The following PLCH2 variants were observed in gnomAD, a reference collection of about 807,000 sequenced individuals.
The protein encoded by PLCH2 is phospholipase C eta 2.
PLCH2 carries 98 observed loss-of-function variants against 134.7 expected under a neutral mutation model. The observed-to-expected ratio is 0.73, with a 90% CI of 0.62 to 0.86. PLCH2 has a LOEUF of 0.86. Among genes scored for constraint, PLCH2 ranks in the 40% least tolerant of loss-of-function variants. The pLI is 0.00. For synonymous variants in PLCH2, 974 were observed against 827.5 expected (o/e 1.18, Z -3.04); for missense variants, 1,994 against 1,986.6 (o/e 1.00, Z -0.07).
chr1:2,437,691 C>T lies in PLCH2; in HGVS notation c.115+7062C>T, dbSNP rs142930676. 2.2e-3 allele frequency among the ~76,000 whole-genome samples: 341 copies of T among 152,356 alleles called. 2 individuals carry two copies. The highest frequency in any genetic ancestry group is 0.014 in the Middle Eastern group (4 of 294). On this transcript the variant is annotated intron_variant, in intron 2 of 3. Transcript: ENST00000609981. Reference sequence around the variant, plus strand: ...GGGACAGGCAATACACACATGCACACGCACACACGAAGGCACACACATTTG... The same window carrying T: ...GGGACAGGCAATACACACATGCACATGCACACACGAAGGCACACACATTTG...
Position 2,502,359 on chromosome 1 carries a change from C to A in PLCH2, c.2909C>A (p.Pro970His), listed in dbSNP as rs1570500293. The A allele has an allele frequency of 1.3e-6, 2 of 1,540,728 alleles. No individual in the cohort carries two copies. Among genetic ancestry groups the A allele is most frequent in the Non-Finnish European group, 1.7e-6 (2 of 1,144,634 alleles). The change falls in exon 21 of 22, where the codon CCT (proline) becomes CAT (histidine). Residue 970 changes from proline to histidine, a missense_variant. This residue lies in a region of PLCH2 where 900 missense variants were observed against 752.3 expected (regional missense o/e 1.20). Transcript: ENST00000378486. ...GATGTGGTGCCCCCCGGGCCCGGACCTGCTCCGGAAGCCCCAGCCCAGGAG... is the reference window on the plus strand; with the variant it reads ...GATGTGGTGCCCCCCGGGCCCGGACATGCTCCGGAAGCCCCAGCCCAGGAG... The part of the protein sequence containing the change: ...ADDVVPPGPG[P>H]APEAPAQEGP...
At chr1:2,467,090 G>A (rs894156585), upstream of PLCH2, among the ~76,000 whole-genome samples, 3 of 152,144 alleles carry the variant, frequency 2.0e-5, no homozygotes, top group African/African-American at 4.8e-5. Context: ...GTAATGACCA[G>A]AGGGTCCCTG....
rs554478325 is a variant in PLCH2 at position 2,439,445 on chromosome 1, G to A, written c.115+8816G>A. 4.6e-5 allele frequency among the ~76,000 whole-genome samples: 7 copies of A among 151,808 alleles called. No homozygotes were observed. Among genetic ancestry groups the A allele is most frequent in the East Asian group, 1.9e-4 (1 of 5,140 alleles). On this transcript the variant is annotated intron_variant, in intron 2 of 3. Coordinates refer to the PLCH2 transcript ENST00000609981. The surrounding 1 kb of genome is among the most constrained non-coding windows in gnomAD (Gnocchi z 4.7). ...AGGGGCAGCTGATCCCATCCCACCCGTTCGTTGTCTTGAGTTCTGATTGAG... is the reference window on the plus strand; with the variant it reads ...AGGGGCAGCTGATCCCATCCCACCCATTCGTTGTCTTGAGTTCTGATTGAG...
chr1:2,458,981 A>T (rs1640635688), intron 2 of PLCH2, among the ~76,000 whole-genome samples: 1 of 152,256 alleles, frequency 6.6e-6, no homozygotes, highest in African/African-American at 2.4e-5. Context: ...CCGGTCTTGC[A>T]GCGTGGCTGC....
Position 2,503,953 on chromosome 1 carries a change from C to A in PLCH2, c.2991C>A (p.Leu997=). 2.1e-6 allele frequency: 3 copies of A among 1,411,466 alleles called. No homozygotes were observed. The highest frequency in any genetic ancestry group is 1.2e-5 in the South Asian group (1 of 81,110). The allele number at this position is 1,411,466 out of a possible 1,614,324, so 87.4% of individuals were successfully genotyped here. Residue 997 remains leucine, a synonymous_variant, in exon 22 of 22, where the codon CTC becomes CTA. Coordinates refer to ENST00000378486, the MANE Select transcript of PLCH2 (RefSeq NM_014638.4). ...DTRPLSTQRP[L]PPLCSLETIA... is the part of the protein sequence containing the mutation. ...GCCCCCTCTCCACGCAGCGGCCACTCCCCCCACTGTGCAGCCTGGAAACCA... is the reference window on the plus strand; with the variant it reads ...GCCCCCTCTCCACGCAGCGGCCACTACCCCCACTGTGCAGCCTGGAAACCA...
At position 2,496,943 on chromosome 1, in the gene PLCH2, C is replaced by T. The variant is rs746924831; in HGVS notation, c.2049C>T (p.Pro683=). 2 of 1,613,372 alleles carry T rather than the reference C, an allele frequency of 1.2e-6. No homozygotes were observed. The highest frequency in any genetic ancestry group is 3.3e-5 in the Admixed American group (2 of 60,032). ...AGCAGCAGCTCTCCCGCATCTACCC[C>T]TCCTCCTACCGTGTGGACTCCAGCA... is the stretch of plus-strand genomic sequence containing the variant. ...FNQQQLSRIY[P]SSYRVDSSNY... is the part of the protein sequence containing the mutation. Residue 683 remains proline, a synonymous_variant, in exon 15 of 22, where the codon CCC becomes CCT. Transcript: ENST00000378486.
At chr1:2,445,773 G>T (rs61763910) in intron 2 of PLCH2, among the ~76,000 whole-genome samples, 1 of 152,184 alleles carries the variant, frequency 6.6e-6, no homozygotes, top group Non-Finnish European at 1.5e-5. Context: ...TAATCTGCAC[G>T]GCACACACGG....
chr1:2,430,750 A>C (rs1639030020), intron 2 of PLCH2: 1 of 152,256 alleles, frequency 6.6e-6, no homozygotes, highest in Non-Finnish European at 1.5e-5. Flanking sequence ...AGTGACCCTG[A>C]TGTCCCGTGA....
At chr1:2,503,612 CGTAGTTAG>C (rs747892187) in intron 21 of PLCH2, 45 of 697,652 alleles carry the variant, frequency 6.5e-5, no homozygotes, top group Non-Finnish European at 1.0e-4. Context: ...ACGCTGCCTC[CGTAGTTAG>C]GAACTGAGAG....
At position 2,476,488 on chromosome 1, in the gene PLCH2, C is replaced by T. The variant is rs188072819; in HGVS notation, c.-101C>T. ...AAGAGGCAGAGGAGAGAAGGCCCCA[C>T]GGAGGTCCTGTCGCCAGCGCTGCCA... On this transcript the variant is annotated 5_prime_UTR_variant, in exon 1 of 22. In the 5' UTR this introduces an upstream ATG that the reference lacks. Transcript: ENST00000378486. The T allele has an allele frequency of 1.7e-4, 193 of 1,152,872 alleles. 1 individual carries two copies. The East Asian group carries it at 4.2e-3, about 25-fold the overall frequency. The allele number at this position is 1,152,872 out of a possible 1,614,324, so 71.4% of individuals were successfully genotyped here.
intron 2 of PLCH2, among the ~76,000 whole-genome samples, chr1:2,461,328 G>A (rs1345526385): frequency 6.6e-6 from 1 of 152,204 alleles, no homozygotes; most frequent in East Asian, 1.9e-4. Flanking sequence ...CTTGGCCAGG[G>A]CCCTTCTGGT....
chr1:2,502,694 G>C, intron 21 of PLCH2: 2 of 707,228 alleles, frequency 2.8e-6, no homozygotes, highest in Admixed American at 4.1e-5. Flanking sequence ...AAGCAGAGAG[G>C]CCCCCAAGGG....
chr1:2,435,545 T>G (rs1466967943), intron 2 of PLCH2, among the ~76,000 whole-genome samples: 2 of 151,936 alleles, frequency 1.3e-5, no homozygotes, highest in Non-Finnish European at 2.9e-5. Flanking sequence ...TTGCAGGGAC[T>G]GGGGAAGGGG....
rs540789507 is a variant in PLCH2 at position 2,491,193 on chromosome 1, C to T, written c.1517C>T (p.Ala506Val). The change falls in exon 11 of 22, where the codon GCA becomes GTA. Residue 506 changes from alanine to valine, a missense_variant and splice_region_variant. By Grantham distance (64) the Ala-to-Val change is moderately conservative. Around this residue, in one of 2 missense-constraint regions of PLCH2, gnomAD observed 1,094 missense variants for 1,234.3 expected, o/e 0.89. Coordinates refer to ENST00000378486, the MANE Select transcript of PLCH2 (RefSeq NM_014638.4). The stretch of plus-strand genomic sequence containing the variant: ...CAGGCCGGCCTCTGGCTCCTGCAGG[C>T]ATCCACCAATCGAAAGCGTGTAGAA... Reference protein sequence around the residue: ...DDDCKLLNGDASTNRKRVENT... With the variant: ...DDDCKLLNGDVSTNRKRVENT... The T allele has an allele frequency of 1.4e-5, 22 of 1,611,322 alleles. No homozygotes were observed. The Admixed American group carries it at 3.2e-4, about 23-fold the overall frequency.
At chr1:2,471,046 G>A (rs949466827) in intron 1 of PLCH2, among the ~76,000 whole-genome samples, 1 of 149,076 alleles carries the variant, frequency 6.7e-6, no homozygotes, top group Non-Finnish European at 1.5e-5. Flanking sequence ...CACACAATGG[G>A]GGGGGCACTC....
chr1:2,458,773 T>C (rs2100578537), intron 2 of PLCH2, among the ~76,000 whole-genome samples: 1 of 152,312 alleles, frequency 6.6e-6, no homozygotes, highest in South Asian at 2.1e-4. Context: ...TGCACAGGGA[T>C]GATCTCGAGG....
Position 2,498,480 on chromosome 1 carries a change from G to A in PLCH2, c.2225-43G>A. 1.3e-6 allele frequency: 2 copies of A among 1,586,552 alleles called. No homozygotes were observed. Among genetic ancestry groups the A allele is most frequent in the Admixed American group, 1.7e-5 (1 of 58,388 alleles). On this transcript the variant is annotated intron_variant, in intron 16 of 21. Transcript: ENST00000378486. This position sits in a 1 kb window ranked among gnomAD's most constrained non-coding sequence, Gnocchi z 5.4. ...CCATGCCCCAGCAAGCAGGGGGCTT[G>A]CTGAGGGCTGGGCCACTGACCACCT...
chr1:2,476,285 T>C, upstream of PLCH2: 2 of 310,492 alleles, frequency 6.4e-6, no homozygotes, highest in Non-Finnish European at 5.9e-6. Flanking sequence ...TGGGCGGGGC[T>C]GAGGTCCTTT....
chr1:2,475,116 G>A (rs902664781), upstream of PLCH2, among the ~76,000 whole-genome samples: 3 of 152,206 alleles, frequency 2.0e-5, no homozygotes, highest in African/African-American at 4.8e-5. Flanking sequence ...CTGGCTGGGT[G>A]TGGCCCTGGT....
Sources: allele counts gnomAD v4.1 joint callset (sites outside exome capture counted in the v4.1 genomes callset), GRCh38; gene constraint gnomAD v4.1.1; regional missense constraint gnomAD v4.1.1; non-coding constraint Gnocchi (gnomAD v3.1); transcripts MANE v1.5; gene names NCBI Gene and HGNC (gene_info 2026-07-23, HGNC 2026-07-21).